The following RALYL variants were observed in gnomAD, a reference collection of about 807,000 sequenced individuals.
RALYL encodes the protein RALY RNA binding protein like.
RALYL carries 29 observed loss-of-function variants against 35.1 expected under a neutral mutation model. The observed-to-expected ratio is 0.83, with a 90% CI of 0.61 to 1.13. The LOEUF (loss-of-function observed/expected upper bound fraction) is 1.13, where lower values mean the gene tolerates loss of function less well. Ranked by LOEUF, RALYL falls within the 50% of genes most tolerant of loss-of-function variation. RALYL has a pLI of 0.00. For missense variants in RALYL, 359 were observed against 360.4 expected, an observed-to-expected ratio of 1.00 and a Z score of 0.03; for synonymous variants, 120 against 127.6, an observed-to-expected ratio of 0.94 and a Z score of 0.40.
intron 1 of RALYL, among the ~76,000 whole-genome samples, chr8:84,196,938 G>A (rs79105205): frequency 0.098 from 14,904 of 152,130 alleles, 833 homozygotes; most frequent in East Asian, 0.24. Flanking sequence ...TGCTCTTTCA[G>A]TCTACTCATT....
At chr8:84,231,068 T>C (rs1386632710) in intron 1 of RALYL, among the ~76,000 whole-genome samples, 2 of 152,180 alleles carry the variant, frequency 1.3e-5, no homozygotes, top group African/African-American at 4.8e-5. Flanking sequence ...GACATTTAAC[T>C]AAACAATTGC....
chr8:84,527,258 A>G (rs2058969212), intron 1 of RALYL, among the ~76,000 whole-genome samples: 1 of 152,226 alleles, frequency 6.6e-6, no homozygotes, highest in South Asian at 2.1e-4. Flanking sequence ...TGTCATCTAC[A>G]CAGAATAAAA....
chr8:84,845,077 C>T (rs554899051), intron 4 of RALYL, among the ~76,000 whole-genome samples: 81 of 152,138 alleles, frequency 5.3e-4, no homozygotes, highest in African/African-American at 1.8e-3. Context: ...ATGTAACTAA[C>T]CTGCACGTTG....
intron 1 of RALYL, among the ~76,000 whole-genome samples, chr8:84,450,685 T>C (rs1298022485): frequency 6.6e-6 from 1 of 152,006 alleles, no homozygotes; most frequent in African/African-American, 2.4e-5. Context: ...TTTCTACTTG[T>C]ATTTCATGAA....
chr8:84,419,533 A>G (rs1587009419), intron 1 of RALYL, among the ~76,000 whole-genome samples: 1 of 151,446 alleles, frequency 6.6e-6, no homozygotes, highest in Non-Finnish European at 1.5e-5. Context: ...CTACAAATTT[A>G]TGGTCTTAAC....
At chr8:84,714,772 C>G (rs932995295) in intron 2 of RALYL, among the ~76,000 whole-genome samples, 14 of 151,650 alleles carry the variant, frequency 9.2e-5, no homozygotes, top group African/African-American at 3.4e-4. Flanking sequence ...CTAATAAATA[C>G]CAGCTATTGC....
intron 1 of RALYL, chr8:84,185,274 G>A (rs943174589): frequency 1.9e-6 from 1 of 530,622 alleles, no homozygotes; most frequent in Non-Finnish European, 3.4e-6. Context: ...TGTTAAAGGG[G>A]CAGAGTTTTC....
chr8:84,353,187 C>G (rs1851229993), intron 1 of RALYL, among the ~76,000 whole-genome samples: 3 of 150,272 alleles, frequency 2.0e-5, no homozygotes, highest in South Asian at 2.1e-4. Flanking sequence ...TGAGCACCCT[C>G]TATGTCCCGG....
intron 1 of RALYL, among the ~76,000 whole-genome samples, chr8:84,241,622 GA>G (rs907238965): frequency 6.6e-6 from 1 of 151,754 alleles, no homozygotes; most frequent in African/African-American, 2.4e-5. Flanking sequence ...TTAAAAATAT[GA>G]AAAAACTAGC....
At chr8:84,307,349 G>A (rs1403847865) in intron 1 of RALYL, among the ~76,000 whole-genome samples, 1 of 152,030 alleles carries the variant, frequency 6.6e-6, no homozygotes, top group Admixed American at 6.6e-5. Flanking sequence ...CACAAACAAT[G>A]GATCTTTTAT....
intron 2 of RALYL, among the ~76,000 whole-genome samples, chr8:84,532,906 C>T (rs1174947467): frequency 1.3e-5 from 2 of 152,114 alleles, no homozygotes; most frequent in Non-Finnish European, 2.9e-5. Flanking sequence ...GCACGTCTTT[C>T]GCACCATGAT....
chr8:84,564,109 T>C (rs942156638), intron 2 of RALYL, among the ~76,000 whole-genome samples: 1 of 151,798 alleles, frequency 6.6e-6, no homozygotes, highest in Admixed American at 6.6e-5. Context: ...CTTATAGTCA[T>C]GTTTCTTCTG....
intron 1 of RALYL, among the ~76,000 whole-genome samples, chr8:84,308,229 G>A (rs1238566656): frequency 3.3e-5 from 5 of 151,980 alleles, no homozygotes; most frequent in African/African-American, 1.2e-4. Context: ...ATAAAATGTA[G>A]CCATGTAGCA....
chr8:84,891,198 G>A (rs1843786233), intron 8 of RALYL, among the ~76,000 whole-genome samples: 1 of 152,092 alleles, frequency 6.6e-6, no homozygotes, highest in Non-Finnish European at 1.5e-5. Flanking sequence ...TGGGCATGAA[G>A]TCACTCCAAA....
At chr8:84,866,441 A>G (rs1475863249) in intron 6 of RALYL, among the ~76,000 whole-genome samples, 2 of 152,220 alleles carry the variant, frequency 1.3e-5, no homozygotes, top group Non-Finnish European at 2.9e-5. Context: ...GTAATGTTCA[A>G]TGAGGTTAAT....
intron 1 of RALYL, among the ~76,000 whole-genome samples, chr8:84,260,485 A>G (rs891128211): frequency 2.6e-5 from 4 of 152,120 alleles, no homozygotes; most frequent in Non-Finnish European, 5.9e-5. Context: ...CCAAGTTCTC[A>G]GAGAGAGAAC....
intron 2 of RALYL, among the ~76,000 whole-genome samples, chr8:84,765,442 T>C (rs1813689570): frequency 6.6e-6 from 1 of 152,160 alleles, no homozygotes; most frequent in South Asian, 2.1e-4. Flanking sequence ...ACGTGGGCTT[T>C]GCTCAATAGG....
intron 1 of RALYL, among the ~76,000 whole-genome samples, chr8:84,335,581 G>A (rs1030469177): frequency 2.6e-5 from 4 of 151,786 alleles, no homozygotes; most frequent in Non-Finnish European, 4.4e-5. Context: ...TCTCTTACCT[G>A]ATTGGAGGGG....
At chr8:84,185,356 GGTTGGTGATAGAGGTGATGATTTCGTGT>G in intron 1 of RALYL, 1 of 305,980 alleles carries the variant, frequency 3.3e-6, no homozygotes, top group Non-Finnish European at 6.2e-6. Flanking sequence ...AGGAGTGAGG[GGTTGGTGATAGAGGTGATGATTTCGTGT>G]GTTGGTAGCA....
Sources: allele counts gnomAD v4.1 joint callset (sites outside exome capture counted in the v4.1 genomes callset), GRCh38; gene constraint gnomAD v4.1.1; transcripts MANE v1.5; gene names NCBI Gene and HGNC (gene_info 2026-07-23, HGNC 2026-07-21).